The following HDAC9 variants were observed in gnomAD, a reference collection of about 807,000 sequenced individuals.
The protein encoded by HDAC9 is MEF-2 interacting transcription repressor (MITR) protein.
Under a neutral mutation model 139.4 loss-of-function variants are expected in HDAC9, and 41 were observed. The observed-to-expected ratio is 0.29, with a 90% CI of 0.23 to 0.38. HDAC9 has a LOEUF of 0.38. Among genes scored for constraint, HDAC9 ranks in the 10% least tolerant of loss-of-function variants. HDAC9 has a pLI of 1.00. For missense variants in HDAC9, 1,147 were observed against 1,297.0 expected, an observed-to-expected ratio of 0.88 and a Z score of 1.78; for synonymous variants, 517 against 476.2, an observed-to-expected ratio of 1.09 and a Z score of -1.12.
At chr7:18,152,090 C>T (rs1763896234) in intron 1 of HDAC9, among the ~76,000 whole-genome samples, 1 of 147,040 alleles carries the variant, frequency 6.8e-6, no homozygotes, top group African/African-American at 2.6e-5. Context: ...TCCTGTAGCA[C>T]TTGTGCTGTC....
intron 12 of HDAC9, among the ~76,000 whole-genome samples, chr7:18,716,990 C>CTTT (rs528916567): frequency 1.7e-5 from 2 of 115,152 alleles, no homozygotes; most frequent in African/African-American, 3.3e-5. Context: ...CTCGTTAGCA[C>CTTT]TTTTTTTTTT....
At chr7:18,268,741 G>C (rs1341208886) in intron 2 of HDAC9, among the ~76,000 whole-genome samples, 1 of 152,162 alleles carries the variant, frequency 6.6e-6, no homozygotes, top group Non-Finnish European at 1.5e-5. Context: ...GTAATGGGGG[G>C]TGGCTGGTAT....
At chr7:18,319,199 A>C (rs974362578) in intron 1 of HDAC9, among the ~76,000 whole-genome samples, 1 of 152,348 alleles carries the variant, frequency 6.6e-6, no homozygotes, top group East Asian at 1.9e-4. Context: ...CTTTTTATTC[A>C]TACTAACTAG....
chr7:18,762,234 C>T lies in HDAC9; in HGVS notation c.2121C>T (p.Thr707=). 6.2e-7 allele frequency: 1 copy of T among 1,613,644 alleles called. No homozygotes were observed. ...HSEHHSLLYG[T]NPLDGQKLDP... Reference sequence around the variant, plus strand: ...AACATCACTCACTGTTGTATGGCACCAACCCCCTGGACGGACAGAAGCTGG... The same window carrying T: ...AACATCACTCACTGTTGTATGGCACTAACCCCCTGGACGGACAGAAGCTGG... Residue 707 remains threonine, a synonymous_variant, in exon 15 of 26, where the codon ACC becomes ACT. Coordinates refer to ENST00000686413, the MANE Select transcript of HDAC9 (RefSeq NM_178425.4).
chr7:18,707,027 C>T (rs1224648273), intron 12 of HDAC9, among the ~76,000 whole-genome samples: 1 of 151,962 alleles, frequency 6.6e-6, no homozygotes, highest in Non-Finnish European at 1.5e-5. Context: ...GCACTGGTTA[C>T]CCCCAAGAAG....
chr7:18,756,376 G>C (rs1045638814), intron 14 of HDAC9, among the ~76,000 whole-genome samples: 2 of 152,142 alleles, frequency 1.3e-5, no homozygotes, highest in African/African-American at 2.4e-5. Context: ...GTTGTCACAG[G>C]ATAGGAATAT....
intron 2 of HDAC9, among the ~76,000 whole-genome samples, chr7:18,284,310 T>A (rs1199833595): frequency 2.0e-5 from 3 of 152,186 alleles, no homozygotes; most frequent in African/African-American, 7.2e-5. Flanking sequence ...TCATCAAACA[T>A]TAGGCAAATG....
At chr7:18,110,366 A>C (rs954525279) in intron 1 of HDAC9, among the ~76,000 whole-genome samples, 7 of 152,234 alleles carry the variant, frequency 4.6e-5, no homozygotes, top group African/African-American at 1.7e-4. Flanking sequence ...TTATCAAAGT[A>C]CAGAGGAGGG....
intron 16 of HDAC9, among the ~76,000 whole-genome samples, chr7:18,785,871 A>G (rs758178863): frequency 3.9e-5 from 6 of 152,148 alleles, no homozygotes; most frequent in Non-Finnish European, 7.3e-5. Context: ...TAGCATCTAC[A>G]TTAATGGTCG....
chr7:18,227,019 G>T (rs1793099935), intron 2 of HDAC9, among the ~76,000 whole-genome samples: 1 of 152,200 alleles, frequency 6.6e-6, no homozygotes, highest in Admixed American at 6.5e-5. Flanking sequence ...GGAGGTTTGT[G>T]GGAGGGGACG....
chr7:18,122,749 GC>G (rs1784430968), intron 1 of HDAC9, among the ~76,000 whole-genome samples: 1 of 152,118 alleles, frequency 6.6e-6, no homozygotes, highest in South Asian at 2.1e-4. Context: ...CTCCTGAGTA[GC>G]TGGGATTACA....
chr7:18,356,066 GT>G lies in HDAC9; in HGVS notation c.-42+65552del, dbSNP rs567105630. ...TACCCTTTAAATGACCAAATTTATG[GT>G]ATCTAAATATACCTTAGTAAAGTCA... On this transcript the variant is annotated intron_variant, in intron 1 of 3. Transcript: ENST00000413509. 2.2e-4 allele frequency among the ~76,000 whole-genome samples: 34 copies of G among 151,982 alleles called. No individual in the cohort carries two copies. The South Asian group carries it at 6.7e-3, about 30-fold the overall frequency.
intron 22 of HDAC9, among the ~76,000 whole-genome samples, chr7:18,875,343 A>T (rs1199605661): frequency 6.6e-6 from 1 of 152,166 alleles, no homozygotes; most frequent in Non-Finnish European, 1.5e-5. Flanking sequence ...AAAAAAGTAA[A>T]ATTACACAAA....
intron 21 of HDAC9, among the ~76,000 whole-genome samples, chr7:18,861,180 T>A (rs1798077244): frequency 6.6e-6 from 1 of 152,176 alleles, no homozygotes; most frequent in South Asian, 2.1e-4. Flanking sequence ...TTTTATACAA[T>A]AATGACTGGG....
At chr7:18,341,665 G>GT (rs1293180883) in intron 1 of HDAC9, among the ~76,000 whole-genome samples, 1 of 151,228 alleles carries the variant, frequency 6.6e-6, no homozygotes, top group Non-Finnish European at 1.5e-5. Flanking sequence ...GTTTCAATGT[G>GT]TTTTTTTCTA....
At chr7:18,180,385 C>G (rs1789326026) in intron 2 of HDAC9, among the ~76,000 whole-genome samples, 1 of 151,922 alleles carries the variant, frequency 6.6e-6, no homozygotes, top group African/African-American at 2.4e-5. Context: ...TTTGTTTTGT[C>G]ATTTTTGTCA....
At chr7:18,190,556 G>A (rs971683568) in intron 2 of HDAC9, among the ~76,000 whole-genome samples, 4 of 152,154 alleles carry the variant, frequency 2.6e-5, no homozygotes, top group Admixed American at 6.5e-5. Flanking sequence ...ACCCAATATT[G>A]CAAGATAAAA....
chr7:18,184,714 C>G (rs898875988), intron 2 of HDAC9, among the ~76,000 whole-genome samples: 2 of 152,016 alleles, frequency 1.3e-5, no homozygotes, highest in African/African-American at 4.8e-5. Flanking sequence ...TCTCTTGACC[C>G]TCGGATTATT....
At chr7:18,515,192 C>T (rs907273903) in intron 2 of HDAC9, among the ~76,000 whole-genome samples, 9 of 152,150 alleles carry the variant, frequency 5.9e-5, no homozygotes, top group African/African-American at 1.7e-4. Context: ...CTACATGTTG[C>T]AATCAAGATA....
Sources: allele counts gnomAD v4.1 joint callset (sites outside exome capture counted in the v4.1 genomes callset), GRCh38; gene constraint gnomAD v4.1.1; transcripts MANE v1.5; gene names NCBI Gene and HGNC (gene_info 2026-07-23, HGNC 2026-07-21).